CSMD1: variants seen among roughly 807,000 people sequenced by gnomAD.
CSMD1 encodes the protein CUB and sushi domain-containing protein 1.
In CSMD1, 213 loss-of-function variants were observed where a neutral mutation model predicts 417.5. That is an observed-to-expected ratio of 0.51 (90% CI 0.46 to 0.57). The LOEUF is 0.57. CSMD1 is among the 20% of genes least tolerant of loss of function. The pLI, the probability that CSMD1 is intolerant of heterozygous loss-of-function variation, is 0.00. For synonymous variants in CSMD1, 2,862 were observed against 1,736.8 expected, an observed-to-expected ratio of 1.65 and a Z score of -16.11; for missense variants, 6,923 against 4,529.7, an observed-to-expected ratio of 1.53 and a Z score of -15.17.
chr8:3,963,655 G>A (rs1198832139), intron 5 of CSMD1, among the ~76,000 whole-genome samples: 1 of 152,156 alleles, frequency 6.6e-6, no homozygotes, highest in South Asian at 2.1e-4. Context: ...CTAAAGCTAT[G>A]TGCGTATGAT....
intron 23 of CSMD1, among the ~76,000 whole-genome samples, chr8:3,320,197 C>A (rs1806061629): frequency 6.6e-6 from 1 of 152,176 alleles, no homozygotes; most frequent in South Asian, 2.1e-4. Context: ...AAGAGTCCAA[C>A]TAAGCAGTGG....
At chr8:4,643,728 A>G (rs1312218269) in intron 1 of CSMD1, among the ~76,000 whole-genome samples, 1 of 152,208 alleles carries the variant, frequency 6.6e-6, no homozygotes, top group Non-Finnish European at 1.5e-5. Context: ...AATATGCATT[A>G]AATTCTGCAT....
chr8:4,040,107 G>A (rs1585186139), intron 3 of CSMD1, among the ~76,000 whole-genome samples: 3 of 152,060 alleles, frequency 2.0e-5, no homozygotes, highest in Admixed American at 6.6e-5. Context: ...TTAACATATC[G>A]CAATTTCAGA....
intron 7 of CSMD1, among the ~76,000 whole-genome samples, chr8:3,681,785 A>G (rs1799677056): frequency 6.6e-6 from 1 of 152,230 alleles, no homozygotes; most frequent in Admixed American, 6.5e-5. Context: ...ACCTGACTTT[A>G]AACTATACTA....
At position 4,710,642 on chromosome 8, in the gene CSMD1, G is replaced by C. The variant is rs541824712; in HGVS notation, c.86-73084C>G. On this transcript the variant is annotated intron_variant, in intron 1 of 69. Transcript: ENST00000635120. Reference sequence around the variant, plus strand: ...GGGTGGATCACAAGCTCAGGAGATGGAGACCACCCTGGCTAACAAGGTGAA... The same window carrying C: ...GGGTGGATCACAAGCTCAGGAGATGCAGACCACCCTGGCTAACAAGGTGAA... 1.3e-4 allele frequency among the ~76,000 whole-genome samples: 19 copies of C among 151,310 alleles called. No homozygotes were observed. The South Asian group carries it at 3.8e-3, about 30-fold the overall frequency.
intron 1 of CSMD1, among the ~76,000 whole-genome samples, chr8:4,947,729 G>A (rs1808464324): frequency 6.6e-6 from 1 of 152,026 alleles, no homozygotes; most frequent in East Asian, 1.9e-4. Flanking sequence ...TTGTAGCTGA[G>A]TTTGCTTGCT....
rs117631175 is a variant in CSMD1, at chr8:4,779,382, T to G, written c.86-141824A>C. Among the ~76,000 whole-genome samples, 547 of 152,260 alleles carry G rather than the reference T, an allele frequency of 3.6e-3. 4 individuals carry two copies. Among genetic ancestry groups the G allele is most frequent in the Middle Eastern group, 0.01 (3 of 294 alleles). On this transcript the variant is annotated intron_variant, in intron 1 of 69. Coordinates refer to ENST00000635120, the MANE Select transcript of CSMD1 (RefSeq NM_033225.6). ...TAATTTTTTACAGAAGAGTTCATAA[T>G]CCCTTTAAAACTTTTATTACTACCA...
chr8:3,659,237 T>C (rs901464878), intron 7 of CSMD1, among the ~76,000 whole-genome samples: 1 of 152,204 alleles, frequency 6.6e-6, no homozygotes, highest in African/African-American at 2.4e-5. Flanking sequence ...ATTGTGTATA[T>C]TTATTCCTAT....
intron 1 of CSMD1, among the ~76,000 whole-genome samples, chr8:4,683,350 G>T (rs1806164106): frequency 6.6e-6 from 1 of 152,112 alleles, no homozygotes; most frequent in South Asian, 2.1e-4. Flanking sequence ...AGGCCCATTT[G>T]GAGTGGTTCT....
chr8:3,605,506 G>T (rs1385579380), intron 8 of CSMD1, among the ~76,000 whole-genome samples: 1 of 152,176 alleles, frequency 6.6e-6, no homozygotes, highest in African/African-American at 2.4e-5. Flanking sequence ...ATAACTGAAT[G>T]TGGAAACTAG....
rs746222279 is a variant in CSMD1, at chr8:4,516,748, G to A, written c.303-96683C>T. Among the ~76,000 whole-genome samples, 7 of 152,118 alleles carry A rather than the reference G, an allele frequency of 4.6e-5. No individual in the cohort carries two copies. The East Asian group carries it at 7.7e-4, about 17-fold the overall frequency. ...CAAATCAATGTCTTACTAACAACAA[G>A]GTCCCTTTGCATTTGGATCAACTCA... On this transcript the variant is annotated intron_variant, in intron 2 of 69. Coordinates refer to ENST00000635120, the MANE Select transcript of CSMD1 (RefSeq NM_033225.6).
At chr8:3,784,581 T>A (rs1034122228) in intron 5 of CSMD1, among the ~76,000 whole-genome samples, 1 of 152,218 alleles carries the variant, frequency 6.6e-6, no homozygotes, top group Non-Finnish European at 1.5e-5. Context: ...TTCTAATTTA[T>A]TAAGATGCTT....
intron 1 of CSMD1, among the ~76,000 whole-genome samples, chr8:4,752,310 T>C (rs1380724548): frequency 1.3e-5 from 2 of 152,224 alleles, no homozygotes; most frequent in Non-Finnish European, 2.9e-5. Context: ...TCTTTCACCT[T>C]GCTTGAAATT....
At chr8:4,049,228 C>T (rs1163212035) in intron 3 of CSMD1, among the ~76,000 whole-genome samples, 1 of 151,998 alleles carries the variant, frequency 6.6e-6, no homozygotes, top group Non-Finnish European at 1.5e-5. Flanking sequence ...CATATGTAGA[C>T]TTCTCAACCT....
intron 5 of CSMD1, among the ~76,000 whole-genome samples, chr8:3,967,831 A>C (rs1482895367): frequency 6.6e-6 from 1 of 151,982 alleles, no homozygotes; most frequent in Non-Finnish European, 1.5e-5. Context: ...ATAGATAAGG[A>C]AAGTAACTTA....
intron 2 of CSMD1, among the ~76,000 whole-genome samples, chr8:4,430,230 C>G (rs1377380586): frequency 6.6e-6 from 1 of 152,118 alleles, no homozygotes; most frequent in African/African-American, 2.4e-5. Context: ...TTTCTCATGC[C>G]ATGAATACTG....
chr8:3,794,765 G>A (rs1799946793), intron 5 of CSMD1, among the ~76,000 whole-genome samples: 1 of 151,930 alleles, frequency 6.6e-6, no homozygotes, highest in Non-Finnish European at 1.5e-5. Flanking sequence ...ACTGTACTCT[G>A]AAACAAAATA....
At chr8:4,910,606 C>T (rs1805597152) in intron 1 of CSMD1, among the ~76,000 whole-genome samples, 1 of 152,276 alleles carries the variant, frequency 6.6e-6, no homozygotes, top group South Asian at 2.1e-4. Context: ...TAATCACTTC[C>T]CAAAGTCTGC....
intron 3 of CSMD1, among the ~76,000 whole-genome samples, chr8:4,374,347 G>A (rs766231373): frequency 6.6e-6 from 1 of 152,096 alleles, no homozygotes; most frequent in Non-Finnish European, 1.5e-5. Flanking sequence ...TTTATTTTCA[G>A]AATCTGATTA....
Sources: allele counts gnomAD v4.1 joint callset (sites outside exome capture counted in the v4.1 genomes callset), GRCh38; gene constraint gnomAD v4.1.1; transcripts MANE v1.5; gene names NCBI Gene and HGNC (gene_info 2026-07-23, HGNC 2026-07-21).